RIN3: variants seen among roughly 807,000 people sequenced by gnomAD.
The protein encoded by RIN3 is Ras and Rab interactor 3.
Under a neutral mutation model 76.3 loss-of-function variants are expected in RIN3, and 54 were observed. That is an observed-to-expected ratio of 0.71 (90% CI 0.57 to 0.89). RIN3 has a LOEUF of 0.89. Among genes scored for constraint, RIN3 ranks in the 40% least tolerant of loss-of-function variants. RIN3 has a pLI of 0.00. For missense variants in RIN3, 1,256 were observed against 1,322.1 expected, an observed-to-expected ratio of 0.95 and a Z score of 0.78; for synonymous variants, 576 against 564.0, an observed-to-expected ratio of 1.02 and a Z score of -0.30.
chr14:92,671,099 G>A (rs531011444), intron 7 of RIN3, among the ~76,000 whole-genome samples: 1 of 152,178 alleles, frequency 6.6e-6, no homozygotes, highest in Non-Finnish European at 1.5e-5. Context: ...CTGTGCTGGG[G>A]GCTGGAAAGG....
At chr14:92,654,111 C>T (rs1238985883) in intron 6 of RIN3, among the ~76,000 whole-genome samples, 3 of 151,878 alleles carry the variant, frequency 2.0e-5, no homozygotes, top group Non-Finnish European at 2.9e-5. Context: ...GTCAAGAGTT[C>T]GAGACCAGCC....
intron 1 of RIN3, among the ~76,000 whole-genome samples, chr14:92,550,184 A>G (rs1462088273): frequency 6.6e-6 from 1 of 152,182 alleles, no homozygotes; most frequent in Non-Finnish European, 1.5e-5. Flanking sequence ...CTTCAATCAA[A>G]TGTGCCTAGT....
At chr14:92,676,868 C>T (rs1487916167) in intron 8 of RIN3, among the ~76,000 whole-genome samples, 11 of 152,090 alleles carry the variant, frequency 7.2e-5, no homozygotes. Context: ...GGCATAGGAG[C>T]ATGTTACCCA....
intron 1 of RIN3, among the ~76,000 whole-genome samples, chr14:92,552,279 C>T (rs1022367904): frequency 6.6e-6 from 1 of 152,204 alleles, no homozygotes; most frequent in South Asian, 2.1e-4. Flanking sequence ...AGAGCAGCAG[C>T]CTCGTGCTTC....
chr14:92,610,348 T>A (rs1296214166), intron 3 of RIN3, among the ~76,000 whole-genome samples: 1 of 152,126 alleles, frequency 6.6e-6, no homozygotes, highest in Non-Finnish European at 1.5e-5. Context: ...CCCCCAGCCC[T>A]AAGCAACCGC....
chr14:92,555,606 G>A (rs1234551603), intron 1 of RIN3, 145 bp from the exon 2 acceptor site: 1 of 762,152 alleles, frequency 1.3e-6, no homozygotes, highest in African/African-American at 1.7e-5. Context: ...GAAGACCATG[G>A]TTTGTTGATT....
chr14:92,559,571 G>A (rs896245010), intron 2 of RIN3, among the ~76,000 whole-genome samples: 13 of 152,330 alleles, frequency 8.5e-5, no homozygotes, highest in African/African-American at 2.2e-4. Flanking sequence ...AATATGAACC[G>A]TAAAGGCACC....
rs68153141 is a variant in RIN3 at position 92,688,192 on chromosome 14, T to TGGCGGCGGC, written c.2907_2915dup (p.Gly970_Gly972dup). On this transcript the variant is annotated inframe_insertion, in exon 10 of 10. Coordinates refer to ENST00000216487, the MANE Select transcript of RIN3 (RefSeq NM_024832.5). ...TTGTCTACCGGCCCCTGGACGGTGG[T>TGGCGGCGGC]GGCGGCGGCGGCGGCGGGAGCCCGC... 3 of 1,601,246 alleles carry TGGCGGCGGC rather than the reference T, an allele frequency of 1.9e-6. No homozygotes were observed. The highest frequency in any genetic ancestry group is 2.2e-5 in the East Asian group (1 of 44,472).
chr14:92,608,527 C>G (rs1375920906), intron 3 of RIN3, among the ~76,000 whole-genome samples: 1 of 146,154 alleles, frequency 6.8e-6, no homozygotes, highest in Non-Finnish European at 1.5e-5. Context: ...GAATTTCTCT[C>G]TCTCTTTTTT....
At chr14:92,551,871 G>C (rs1280319442) in intron 1 of RIN3, among the ~76,000 whole-genome samples, 2 of 152,196 alleles carry the variant, frequency 1.3e-5, no homozygotes, top group East Asian at 1.9e-4. Context: ...TTTAAATTGT[G>C]ATGCAGTCTA....
At chr14:92,686,078 TGA>T (rs1888847687) in intron 9 of RIN3, 1 of 152,422 alleles carries the variant, frequency 6.6e-6, no homozygotes, top group Non-Finnish European at 1.5e-5. Context: ...GTTGGACTAG[TGA>T]GCCAGGCACA....
chr14:92,645,834 A>G (rs1177243980), intron 5 of RIN3, among the ~76,000 whole-genome samples: 4 of 152,140 alleles, frequency 2.6e-5, no homozygotes, highest in Non-Finnish European at 5.9e-5. Flanking sequence ...CATGCCTATA[A>G]TCCCAACCTC....
chr14:92,628,802 A>T (rs909078357), intron 4 of RIN3, among the ~76,000 whole-genome samples: 24 of 151,828 alleles, frequency 1.6e-4, no homozygotes, highest in South Asian at 2.1e-4. Context: ...ATTTTTTTTA[A>T]AAAAAAGAAT....
chr14:92,552,026 G>C (rs919830557), intron 1 of RIN3, among the ~76,000 whole-genome samples: 2 of 152,262 alleles, frequency 1.3e-5, no homozygotes, highest in Non-Finnish European at 2.9e-5. Flanking sequence ...TGGGCTCCAG[G>C]TGGAGAAGTG....
intron 1 of RIN3, among the ~76,000 whole-genome samples, chr14:92,549,777 G>T (rs1203460799): frequency 6.6e-6 from 1 of 152,250 alleles, no homozygotes; most frequent in East Asian, 1.9e-4. Context: ...GGCAGCCATA[G>T]GATCAGAAGC....
chr14:92,575,223 T>C (rs149960192), intron 2 of RIN3, among the ~76,000 whole-genome samples: 1 of 152,262 alleles, frequency 6.6e-6, no homozygotes, highest in African/African-American at 2.4e-5. Flanking sequence ...ATCAATACAA[T>C]GGCAGCAGAA....
At chr14:92,576,959 A>T (rs1334437281) in intron 2 of RIN3, among the ~76,000 whole-genome samples, 1 of 152,134 alleles carries the variant, frequency 6.6e-6, no homozygotes, top group African/African-American at 2.4e-5. Context: ...CCTGTACATT[A>T]GAGCTTTTCT....
intron 3 of RIN3, among the ~76,000 whole-genome samples, chr14:92,608,406 C>T (rs1885604631): frequency 6.6e-6 from 1 of 152,206 alleles, no homozygotes; most frequent in South Asian, 2.1e-4. Context: ...TATTTGAGAA[C>T]TGGCAATGTA....
At chr14:92,525,133 G>A (rs1279294277) in intron 1 of RIN3, among the ~76,000 whole-genome samples, 5 of 152,328 alleles carry the variant, frequency 3.3e-5, no homozygotes, top group Admixed American at 1.3e-4. Context: ...TGGTAGGTGT[G>A]TATGGGGGTG....
Sources: gnomAD v4.1 joint callset for allele counts (sites outside exome capture counted in the v4.1 genomes callset) on GRCh38, gnomAD v4.1.1 for gene constraint, MANE v1.5 for transcripts, NCBI Gene and HGNC (gene_info 2026-07-23, HGNC 2026-07-21) for gene names.